Variants in DHX32 observed in about 807,000 individuals in gnomAD.
DHX32 encodes the protein putative pre-mRNA-splicing factor ATP-dependent RNA helicase DHX32.
In DHX32, 51 loss-of-function variants were observed where a neutral mutation model predicts 70.0. The observed-to-expected ratio is 0.73, with a 90% CI of 0.58 to 0.92. DHX32 has a LOEUF of 0.92. Among genes scored for constraint, DHX32 ranks in the 40% least tolerant of loss-of-function variants. DHX32 has a pLI of 0.00. For missense variants in DHX32, 762 were observed against 891.8 expected (o/e 0.85, Z 1.85); for synonymous variants, 310 against 315.3 (o/e 0.98, Z 0.18).
intron 3 of DHX32, among the ~76,000 whole-genome samples, chr10:125,859,200 G>C (rs961583454): frequency 6.6e-6 from 1 of 152,100 alleles, no homozygotes; most frequent in African/African-American, 2.4e-5. Flanking sequence ...TGAGTGCTTA[G>C]GTAATAGTCC....
chr10:125,888,905 C>T (rs1944354588), intron 1 of DHX32, among the ~76,000 whole-genome samples: 1 of 152,302 alleles, frequency 6.6e-6, no homozygotes, highest in Non-Finnish European at 1.5e-5. Flanking sequence ...ACTAAAAATA[C>T]AAAAATTAGC....
intron 6 of DHX32, among the ~76,000 whole-genome samples, chr10:125,846,220 T>C (rs1944017510): frequency 1.3e-5 from 2 of 152,190 alleles, no homozygotes; most frequent in Admixed American, 6.5e-5. Context: ...CCCCAGGTTT[T>C]TGTAGTGGTG....
chr10:125,880,725 C>T lies in DHX32; in HGVS notation c.100G>A (p.Ala34Thr). 1 of 1,614,190 alleles carries T rather than the reference C, an allele frequency of 6.2e-7. No individual in the cohort carries two copies. The highest frequency in any genetic ancestry group is 8.5e-7 in the Non-Finnish European group (1 of 1,180,026). The part of the protein sequence containing the change: ...SSDGDEEEVL[A>T]CEDLELNPFD... ...GGGTTAAGTTCCAAATCCTCACAGG[C>T]CAAAACCTCTTCCTCATCCCCATCG... The change falls in exon 1 of 11, where the codon GCC (alanine) becomes ACC (threonine). Residue 34 changes from alanine (A) to threonine (T), a missense_variant. Physicochemically the swap from Ala to Thr is moderately conservative, Grantham distance 58. This residue lies in a region of DHX32 where 394 missense variants were observed against 473.1 expected (regional missense o/e 0.83). Coordinates refer to ENST00000284690, the MANE Select transcript of DHX32 (RefSeq NM_018180.3).
chr10:125,841,126 T>C lies in DHX32; in HGVS notation c.1544-130A>G, dbSNP rs919451150. ...CTTGGTACTCTGAATAAATATGTTA[T>C]TCTTGTTTACTTAGAAATCCCAGAA... On this transcript the variant is annotated intron_variant, in intron 7 of 10. Transcript: ENST00000284690. The C allele has an allele frequency of 6.6e-6, 9 of 1,372,564 alleles. 1 individual carries two copies. Among genetic ancestry groups the C allele is most frequent in the Middle Eastern group, 1.8e-4 (1 of 5,460 alleles). 85.0% of individuals were successfully genotyped at this position (1,372,564 alleles called of 1,614,324 possible). A position where few individuals can be genotyped will look rare whatever the true frequency, so the allele number is the denominator to read the frequency against.
At chr10:125,853,640 C>T (rs1035068535) in intron 4 of DHX32, 6 of 255,392 alleles carry the variant, frequency 2.3e-5, no homozygotes, top group Non-Finnish European at 4.4e-5. Flanking sequence ...AAACAATTTG[C>T]TTTGCTAGTA....
At chr10:125,855,626 A>G (rs1944140883) in intron 3 of DHX32, among the ~76,000 whole-genome samples, 1 of 151,370 alleles carries the variant, frequency 6.6e-6, no homozygotes, top group Non-Finnish European at 1.5e-5. Context: ...TTTTTTTTGT[A>G]TTTTTAGTAG....
At chr10:125,854,710 C>T (rs1334759750) in intron 3 of DHX32, 2 of 152,778 alleles carry the variant, frequency 1.3e-5, no homozygotes, top group South Asian at 4.1e-4. Context: ...TCCAGGGGGT[C>T]CCACATCAGC....
rs1055579240 is a variant in DHX32 at position 125,874,797 on chromosome 10, T to G, written c.282+5746A>C. On this transcript the variant is annotated intron_variant, in intron 1 of 10. Transcript: ENST00000284690. ...AAAGAGAGATAAAAAATATGAGAGG[T>G]AAGAAAATAGAAATACATAAAAATA... Among the ~76,000 whole-genome samples, 3 of 151,870 alleles carry G rather than the reference T, an allele frequency of 2.0e-5. No individual in the cohort carries two copies. In the South Asian group the frequency reaches 6.2e-4, roughly 32 times the overall value.
At chr10:125,860,752 AT>A (rs397747204) in intron 2 of DHX32, among the ~76,000 whole-genome samples, 2,410 of 111,704 alleles carry the variant, frequency 0.022, 41 homozygotes, top group African/African-American at 0.076. Context: ...AACCAATCCC[AT>A]TTTTTTTTTT....
chr10:125,861,997 A>G (rs376919127), intron 2 of DHX32, among the ~76,000 whole-genome samples: 2 of 152,122 alleles, frequency 1.3e-5, no homozygotes, highest in African/African-American at 2.4e-5. Context: ...AAGCTGGTGT[A>G]TATGTTTCTC....
In DHX32 at chr10:125,851,001, G is replaced by C. The variant is rs1028253112; in HGVS notation, c.1351+1292C>G. Among the ~76,000 whole-genome samples, 4 of 152,326 alleles carry C rather than the reference G, an allele frequency of 2.6e-5. No homozygotes were observed. In the South Asian group the frequency reaches 8.3e-4, roughly 32 times the overall value. On this transcript the variant is annotated intron_variant, in intron 6 of 10. Coordinates refer to ENST00000284690, the MANE Select transcript of DHX32 (RefSeq NM_018180.3). Reference sequence around the variant, plus strand: ...GACAGTGACTGTGTCATTCAGGATGGAGGTCAATTGTCAGGCAGCCAAGGA... The same window carrying C: ...GACAGTGACTGTGTCATTCAGGATGCAGGTCAATTGTCAGGCAGCCAAGGA...
At position 125,854,009 on chromosome 10, in the gene DHX32, C is replaced by G. The variant is rs1224282845; in HGVS notation, c.1044G>C (p.Trp348Cys). Residue 348 changes from tryptophan to cysteine, a missense_variant, in exon 4 of 11, where the codon TGG becomes TGC. Transcript: ENST00000284690. ...CGATAACAAATCTGACTGAGTTGCT[C>G]CAGATCAAAAACTCTCCAGAGCTAG... The part of the protein sequence containing the change: ...LTTSSGEFLI[W>C]SNSVRFVIDV... 1.2e-6 allele frequency: 2 copies of G among 1,613,934 alleles called. No homozygotes were observed. Among genetic ancestry groups the G allele is most frequent in the Non-Finnish European group, 1.7e-6 (2 of 1,179,986 alleles).
In DHX32 at chr10:125,840,989, A is replaced by G; in HGVS notation, c.1551T>C (p.Asn517=). Residue 517 remains asparagine (N), a synonymous_variant, in exon 8 of 11, where the codon AAT becomes AAC. Transcript: ENST00000284690. The stretch of plus-strand genomic sequence containing the variant: ...CTCCATGTGGCACATGTGAAAAGCA[A>G]TTTGGAGCTTCAAAATGAAAAAGGT... ...LTIAAMVTAP[N]CFSHVPHGAE... 5.0e-6 allele frequency: 8 copies of G among 1,596,120 alleles called. 1 individual carries two copies. In the South Asian group the frequency reaches 7.8e-5, roughly 16 times the overall value.
chr10:125,885,326 T>G (rs769873721), upstream of DHX32, among the ~76,000 whole-genome samples: 45 of 152,292 alleles, frequency 3.0e-4, no homozygotes, highest in Non-Finnish European at 4.9e-4. Flanking sequence ...GTACTTTGCA[T>G]GGCAAAAGGG....
chr10:125,852,729 A>G (rs1244408873), intron 4 of DHX32, 87 bp from the exon 5 acceptor site: 1 of 1,183,498 alleles, frequency 8.4e-7, no homozygotes, highest in East Asian at 2.4e-5. Flanking sequence ...GCTGCGCAGT[A>G]CTTTACTCCA....
chr10:125,860,966 A>G (rs1944184263), intron 2 of DHX32, among the ~76,000 whole-genome samples: 2 of 151,632 alleles, frequency 1.3e-5, no homozygotes, highest in South Asian at 4.2e-4. Flanking sequence ...GTTAGCCAGG[A>G]TGGTCTCGAT....
In DHX32 at chr10:125,836,450, AATT is replaced by A; in HGVS notation, c.*234_*236del. 7.0e-7 allele frequency: 1 copy of A among 1,421,168 alleles called. No individual in the cohort carries two copies. Among genetic ancestry groups the A allele is most frequent in the Non-Finnish European group, 9.2e-7 (1 of 1,092,824 alleles). 88.0% of individuals were successfully genotyped at this position (1,421,168 alleles called of 1,614,324 possible). On this transcript the variant is annotated 3_prime_UTR_variant, in exon 11 of 11. Transcript: ENST00000284690. ...TACCAGTTTTTTAAAATTTTGGTCA[AATT>A]ATGAGTGGTTGATTTAAAAACTTTT...
rs567672999 is a variant in DHX32, at chr10:125,880,809, G to A, written c.16C>T (p.Leu6=). The A allele has an allele frequency of 5.0e-6, 8 of 1,610,942 alleles. No individual in the cohort carries two copies. In the South Asian group the frequency reaches 6.6e-5, roughly 13 times the overall value. ...TCAGAGGAAGAGTTTGGACACTCCA[G>A]CCCTTCTTCTTCCATCTTGTCTGAC... The part of the protein sequence containing the change: MEEEG[L]ECPNSSSEKR... Residue 6 remains leucine, a synonymous_variant, in exon 1 of 11, where the codon CTG becomes TTG. Coordinates refer to ENST00000284690, the MANE Select transcript of DHX32 (RefSeq NM_018180.3).
rs1589718219 is a variant in DHX32 at position 125,880,829 on chromosome 10, T to C, written c.-5A>G. On this transcript the variant is annotated 5_prime_UTR_variant, in exon 1 of 11. Coordinates refer to ENST00000284690, the MANE Select transcript of DHX32 (RefSeq NM_018180.3). ...CTCCAGCCCTTCTTCTTCCATCTTG[T>C]CTGACAGTGAGCTCACGCAGCTGAC... 6.2e-7 allele frequency: 1 copy of C among 1,607,980 alleles called. No homozygotes were observed. The highest frequency in any genetic ancestry group is 8.5e-7 in the Non-Finnish European group (1 of 1,177,460).
Sources: allele counts gnomAD v4.1 joint callset (sites outside exome capture counted in the v4.1 genomes callset), GRCh38; gene constraint gnomAD v4.1.1; regional missense constraint gnomAD v4.1.1; transcripts MANE v1.5; gene names NCBI Gene and HGNC (gene_info 2026-07-23, HGNC 2026-07-21).